Variants in ASTN2 observed in about 807,000 individuals in gnomAD.
The protein encoded by ASTN2 is astrotactin-2.
In ASTN2, 54 loss-of-function variants were observed where a neutral mutation model predicts 139.8. The ratio of observed to expected loss-of-function variants is 0.39; its 90% CI spans 0.31 to 0.48. ASTN2 has a LOEUF of 0.48. Ranked by LOEUF, ASTN2 falls within the 20% of genes least tolerant of loss-of-function variation. ASTN2 has a pLI of 0.95. For missense variants in ASTN2, 1,565 were observed against 1,725.1 expected (o/e 0.91, Z 1.64); for synonymous variants, 756 against 719.5 (o/e 1.05, Z -0.81).
chr9:116,503,033 G>A (rs988852703), intron 19 of ASTN2, among the ~76,000 whole-genome samples: 1 of 136,562 alleles, frequency 7.3e-6, no homozygotes, highest in Non-Finnish European at 1.5e-5. Context: ...GAAAAAAGGA[G>A]GAAGGAAAGA....
At chr9:117,139,223 A>G (rs1012677585) in intron 4 of ASTN2, among the ~76,000 whole-genome samples, 7 of 152,222 alleles carry the variant, frequency 4.6e-5, no homozygotes, top group African/African-American at 1.7e-4. Flanking sequence ...ATAAGATTGC[A>G]TGTATTCATT....
At chr9:116,522,257 A>G (rs1458599914) in intron 19 of ASTN2, among the ~76,000 whole-genome samples, 1 of 152,224 alleles carries the variant, frequency 6.6e-6, no homozygotes, top group Non-Finnish European at 1.5e-5. Flanking sequence ...AAAATATGGA[A>G]CCAGCCCAAA....
chr9:116,572,992 CGTG>C (rs1853581515), intron 19 of ASTN2, among the ~76,000 whole-genome samples: 1 of 149,884 alleles, frequency 6.7e-6, no homozygotes, highest in African/African-American at 2.5e-5. Context: ...TGGGTACATG[CGTG>C]CACACATGTG....
intron 7 of ASTN2, among the ~76,000 whole-genome samples, chr9:116,994,806 A>C (rs1375296810): frequency 6.6e-6 from 1 of 152,174 alleles, no homozygotes; most frequent in African/African-American, 2.4e-5. Context: ...AAGGCTCACA[A>C]TAACTTTTTT....
chr9:117,122,688 A>G (rs2132817316), intron 4 of ASTN2, among the ~76,000 whole-genome samples: 1 of 152,246 alleles, frequency 6.6e-6, no homozygotes, highest in Non-Finnish European at 1.5e-5. Flanking sequence ...TGCTTGTTCA[A>G]CACCAACTTA....
intron 19 of ASTN2, among the ~76,000 whole-genome samples, chr9:116,572,602 G>A (rs1376407743): frequency 6.7e-6 from 1 of 149,920 alleles, no homozygotes; most frequent in East Asian, 1.9e-4. Flanking sequence ...CGCCTACTTG[G>A]GTCTCAGCCC....
chr9:116,494,312 G>A (rs1849607425), intron 19 of ASTN2, among the ~76,000 whole-genome samples: 1 of 152,152 alleles, frequency 6.6e-6, no homozygotes, highest in Admixed American at 6.5e-5. Context: ...CAATTTCAGA[G>A]AGTCAGGTGA....
At chr9:116,615,614 C>G (rs1855805541) in intron 19 of ASTN2, among the ~76,000 whole-genome samples, 1 of 151,464 alleles carries the variant, frequency 6.6e-6, no homozygotes, top group Non-Finnish European at 1.5e-5. Flanking sequence ...TCTCAGCAAA[C>G]TATCACAAGG....
At chr9:116,898,360 T>A (rs1833928159) in intron 10 of ASTN2, among the ~76,000 whole-genome samples, 1 of 147,896 alleles carries the variant, frequency 6.8e-6, no homozygotes, top group African/African-American at 2.5e-5. Context: ...CAGTGAGCTA[T>A]GATCACACCA....
chr9:116,542,143 T>C (rs1319635603), intron 19 of ASTN2, among the ~76,000 whole-genome samples: 1 of 152,220 alleles, frequency 6.6e-6, no homozygotes, highest in Non-Finnish European at 1.5e-5. Context: ...TTTATTTCCT[T>C]TTTATTAAAC....
chr9:116,952,149 G>A (rs1163058389), intron 10 of ASTN2, among the ~76,000 whole-genome samples: 3 of 152,158 alleles, frequency 2.0e-5, no homozygotes, highest in African/African-American at 7.2e-5. Context: ...TAATGCTAGT[G>A]AGCACTTGAC....
At chr9:116,479,044 T>C (rs1259505155) in intron 20 of ASTN2, among the ~76,000 whole-genome samples, 2 of 142,802 alleles carry the variant, frequency 1.4e-5, no homozygotes, top group Non-Finnish European at 3.0e-5. Flanking sequence ...TCTGAATTCA[T>C]GAAAAGTTCA....
intron 13 of ASTN2, among the ~76,000 whole-genome samples, chr9:116,777,582 G>C (rs1830115710): frequency 6.6e-6 from 1 of 152,194 alleles, no homozygotes; most frequent in Non-Finnish European, 1.5e-5. Context: ...GGAGACAGTT[G>C]TTAAATCACT....
At chr9:116,874,827 A>G (rs539790656) in intron 10 of ASTN2, among the ~76,000 whole-genome samples, 1 of 152,290 alleles carries the variant, frequency 6.6e-6, no homozygotes, top group Non-Finnish European at 1.5e-5. Context: ...AAGAGAGTCT[A>G]TCAGTGCCAT....
At chr9:117,167,344 G>A (rs1201468023) in intron 3 of ASTN2, among the ~76,000 whole-genome samples, 3 of 151,884 alleles carry the variant, frequency 2.0e-5, no homozygotes, top group African/African-American at 7.3e-5. Context: ...ATATAATTCT[G>A]AGTCATCTAC....
chr9:117,274,924 T>C (rs1834150326), intron 2 of ASTN2, among the ~76,000 whole-genome samples: 1 of 152,218 alleles, frequency 6.6e-6, no homozygotes, highest in African/African-American at 2.4e-5. Context: ...GGGTTGAGCT[T>C]CTTAATCAAT....
intron 1 of ASTN2, among the ~76,000 whole-genome samples, chr9:117,317,470 T>C (rs1453415957): frequency 6.6e-6 from 1 of 152,192 alleles, no homozygotes; most frequent in Non-Finnish European, 1.5e-5. Context: ...GTTGAATGAA[T>C]ACACTAATGA....
At chr9:116,838,593 T>C (rs1315986950) in intron 11 of ASTN2, among the ~76,000 whole-genome samples, 1 of 150,008 alleles carries the variant, frequency 6.7e-6, no homozygotes, top group Non-Finnish European at 1.5e-5. Flanking sequence ...CCAGCAATTT[T>C]TTTTTTTTTT....
intron 3 of ASTN2, among the ~76,000 whole-genome samples, chr9:117,212,656 A>G (rs1832176055): frequency 6.6e-6 from 1 of 152,234 alleles, no homozygotes; most frequent in African/African-American, 2.4e-5. Context: ...CTCAAAAGAC[A>G]TACAAGTGAC....
Sources: allele counts gnomAD v4.1 joint callset (sites outside exome capture counted in the v4.1 genomes callset), GRCh38; gene constraint gnomAD v4.1.1; transcripts MANE v1.5; gene names NCBI Gene and HGNC (gene_info 2026-07-23, HGNC 2026-07-21).